Variants in CAMTA1 observed in about 807,000 individuals in gnomAD.
CAMTA1 encodes calmodulin-binding transcription activator 1.
In CAMTA1, 27 loss-of-function variants were observed where a neutral mutation model predicts 170.9. The observed-to-expected ratio is 0.16, with a 90% CI of 0.12 to 0.22. The LOEUF (loss-of-function observed/expected upper bound fraction) is 0.22, where lower values mean the gene tolerates loss of function less well. CAMTA1 is among the 10% of genes least tolerant of loss of function. CAMTA1 has a pLI of 1.00. For missense variants in CAMTA1, 1,619 were observed against 2,217.2 expected (o/e 0.73, Z 5.42); for synonymous variants, 833 against 891.5 (o/e 0.93, Z 1.17).
intron 4 of CAMTA1, among the ~76,000 whole-genome samples, chr1:7,125,932 G>C (rs549258451): frequency 2.0e-5 from 3 of 152,234 alleles, no homozygotes; most frequent in African/African-American, 7.2e-5. Flanking sequence ...CCTGAGACTG[G>C]GTAATTTATA....
intron 5 of CAMTA1, among the ~76,000 whole-genome samples, chr1:7,261,807 G>A (rs144790642): frequency 3.5e-4 from 53 of 152,330 alleles, no homozygotes; most frequent in African/African-American, 1.2e-3. Context: ...CATTAACGAG[G>A]TGTTGGCGTT....
chr1:6,885,125 C>T (rs1255018327), intron 3 of CAMTA1, among the ~76,000 whole-genome samples: 1 of 152,144 alleles, frequency 6.6e-6, no homozygotes, highest in African/African-American at 2.4e-5. Context: ...TTTCTTCCTG[C>T]TAAATGGTGT....
rs148673799 is a variant in CAMTA1, at chr1:7,323,669, CTGTT to C, written c.438+74048_438+74051del. Among the ~76,000 whole-genome samples the C allele has an allele frequency of 4.5e-4, 68 of 152,186 alleles. 1 individual carries two copies. The East Asian group carries it at 8.7e-3, about 19-fold the overall frequency. ...TCCTGAGTCGGTGGGATCCTATTTT[CTGTT>C]TGTTATTTCCCCTGCTACTAAAACA... On this transcript the variant is annotated intron_variant, in intron 5 of 22. Coordinates refer to ENST00000303635, the MANE Select transcript of CAMTA1 (RefSeq NM_015215.4).
At chr1:7,678,480 G>A (rs957266507) in intron 11 of CAMTA1, among the ~76,000 whole-genome samples, 9 of 152,182 alleles carry the variant, frequency 5.9e-5, no homozygotes, top group African/African-American at 1.4e-4. Flanking sequence ...CATGGGGGTC[G>A]GTGAGTGTTG....
chr1:6,969,896 C>T (rs1692235692), intron 3 of CAMTA1, among the ~76,000 whole-genome samples: 1 of 152,188 alleles, frequency 6.6e-6, no homozygotes, highest in Non-Finnish European at 1.5e-5. Context: ...TTCATCTTAC[C>T]TGACAGTATC....
At chr1:7,382,182 G>C (rs560089585) in intron 5 of CAMTA1, among the ~76,000 whole-genome samples, 1 of 152,228 alleles carries the variant, frequency 6.6e-6, no homozygotes, top group Admixed American at 6.5e-5. Flanking sequence ...GGAAATGTAG[G>C]CTTCACTCTG....
intron 3 of CAMTA1, among the ~76,000 whole-genome samples, chr1:7,070,599 C>T (rs1030628353): frequency 1.3e-5 from 2 of 152,164 alleles, no homozygotes; most frequent in African/African-American, 4.8e-5. Context: ...TGGTCACCAG[C>T]AAAGGGAGTG....
intron 4 of CAMTA1, among the ~76,000 whole-genome samples, chr1:7,159,023 C>T (rs1324337456): frequency 6.6e-6 from 1 of 152,010 alleles, no homozygotes; most frequent in Non-Finnish European, 1.5e-5. Flanking sequence ...TTTATAAATA[C>T]AGAACACACA....
chr1:7,185,796 T>C (rs1265078550), intron 4 of CAMTA1, among the ~76,000 whole-genome samples: 3 of 152,110 alleles, frequency 2.0e-5, no homozygotes, highest in Admixed American at 6.5e-5. Context: ...CTAAACTGAG[T>C]GATGTCTACA....
intron 5 of CAMTA1, among the ~76,000 whole-genome samples, chr1:7,445,420 G>T (rs1163398629): frequency 6.6e-6 from 1 of 152,018 alleles, no homozygotes; most frequent in East Asian, 2.0e-4. Context: ...GGTCTGAAGG[G>T]CTGGTCAGCC....
intron 5 of CAMTA1, among the ~76,000 whole-genome samples, chr1:7,276,293 ATATATATATATTTTTTT>A (rs1279624203): frequency 9.1e-5 from 2 of 22,058 alleles, no homozygotes; most frequent in Admixed American, 8.0e-4. Flanking sequence ...ATATATATAT[ATATATATATATTTTTTT>A]TTTTTTTTTT....
At chr1:6,962,988 G>GCCCA (rs1690771178) in intron 3 of CAMTA1, among the ~76,000 whole-genome samples, 1 of 147,328 alleles carries the variant, frequency 6.8e-6, no homozygotes, top group Admixed American at 6.8e-5. Flanking sequence ...GTCTGGCCCT[G>GCCCA]CCCATTCCCA....
chr1:7,063,596 C>T lies in CAMTA1; in HGVS notation c.235-27708C>T, dbSNP rs1708572616. ...CCCCTGTAGCCTCCCCTGCTCTGCCCTCTGCTTTTGGTCTTAAAGCTATTT... is the reference window on the plus strand; with the variant it reads ...CCCCTGTAGCCTCCCCTGCTCTGCCTTCTGCTTTTGGTCTTAAAGCTATTT... On this transcript the variant is annotated intron_variant, in intron 3 of 22. Transcript: ENST00000303635. The surrounding 1 kb of genome is among the most constrained non-coding windows in gnomAD (Gnocchi z 4.3). Among the ~76,000 whole-genome samples the T allele has an allele frequency of 6.6e-6, 1 of 152,206 alleles. No individual in the cohort carries two copies. The highest frequency in any genetic ancestry group is 2.1e-4 in the South Asian group (1 of 4,832).
rs976640828 is a variant in CAMTA1 at position 6,820,390 on chromosome 1, G to C, written c.115+140G>C. The C allele has an allele frequency of 5.5e-6, 4 of 730,750 alleles. No homozygotes were observed. The African/African-American group carries it at 7.1e-5, about 13-fold the overall frequency. 45.3% of individuals were successfully genotyped at this position (730,750 alleles called of 1,614,324 possible). Reference sequence around the variant, plus strand: ...TGCACTTAACTGCTGTGTGATCTTAGATGAGTTACTTAATCCTTCTGGGGT... The same window carrying C: ...TGCACTTAACTGCTGTGTGATCTTACATGAGTTACTTAATCCTTCTGGGGT... On this transcript the variant is annotated intron_variant, in intron 2 of 22. Coordinates refer to ENST00000303635, the MANE Select transcript of CAMTA1 (RefSeq NM_015215.4).
chr1:7,704,952 C>G (rs1481007600), intron 11 of CAMTA1, among the ~76,000 whole-genome samples: 1 of 50,828 alleles, frequency 2.0e-5, no homozygotes, highest in Admixed American at 3.0e-4. Context: ...GGGCGGCGGC[C>G]GGCGGGGGCG....
intron 3 of CAMTA1, among the ~76,000 whole-genome samples, chr1:6,923,229 A>G (rs1371548642): frequency 6.6e-6 from 1 of 152,158 alleles, no homozygotes; most frequent in African/African-American, 2.4e-5. Context: ...CTGTCCGACC[A>G]GTGATGGCTG....
At chr1:7,178,140 G>T (rs1374896775) in intron 4 of CAMTA1, among the ~76,000 whole-genome samples, 1 of 152,186 alleles carries the variant, frequency 6.6e-6, no homozygotes, top group East Asian at 1.9e-4. Flanking sequence ...ACACTTAAAA[G>T]AACAAGGAGG....
intron 3 of CAMTA1, among the ~76,000 whole-genome samples, chr1:6,902,062 CACACACACACAA>C (rs1677075119): frequency 9.9e-6 from 1 of 100,534 alleles, no homozygotes; most frequent in Non-Finnish European, 2.2e-5. Context: ...CACACACACA[CACACACACACAA>C]AAAAAAAAAT....
intron 3 of CAMTA1, among the ~76,000 whole-genome samples, chr1:6,926,346 TCCTC>T (rs1029862597): frequency 1.4e-5 from 2 of 144,982 alleles, no homozygotes; most frequent in African/African-American, 5.1e-5. Flanking sequence ...TCCTTTCCTT[TCCTC>T]CCTCCCTCCC....
Sources: gnomAD v4.1 joint callset for allele counts (sites outside exome capture counted in the v4.1 genomes callset) on GRCh38, gnomAD v4.1.1 for gene constraint, Gnocchi (gnomAD v3.1) non-coding constraint, MANE v1.5 for transcripts, NCBI Gene and HGNC (gene_info 2026-07-23, HGNC 2026-07-21) for gene names.